Variants in ACOXL observed in about 807,000 individuals in gnomAD.
The protein encoded by ACOXL is acyl-coenzyme A oxidase-like protein.
ACOXL carries 70 observed loss-of-function variants against 71.9 expected under a neutral mutation model. That is an observed-to-expected ratio of 0.97 (90% confidence interval 0.80 to 1.19). The LOEUF (loss-of-function observed/expected upper bound fraction) is 1.19. Ranked by LOEUF, ACOXL falls within the 50% of genes most tolerant of loss-of-function variation. ACOXL has a pLI of 0.00. For synonymous variants in ACOXL, 253 were observed against 281.6 expected, an observed-to-expected ratio of 0.90 and a Z score of 1.02; for missense variants, 703 against 736.3, an observed-to-expected ratio of 0.95 and a Z score of 0.52.
At chr2:110,869,981 G>A (rs1161726769) in intron 10 of ACOXL, among the ~76,000 whole-genome samples, 4 of 152,252 alleles carry the variant, frequency 2.6e-5, no homozygotes, top group Non-Finnish European at 5.9e-5. Flanking sequence ...TGGATTCACC[G>A]AGCATGTGGG....
At chr2:110,896,008 T>C (rs62159500) in intron 10 of ACOXL, among the ~76,000 whole-genome samples, 47,696 of 152,064 alleles carry the variant, frequency 0.31, 7,807 homozygotes, top group Middle Eastern at 0.38. Flanking sequence ...TTGAGTTCTC[T>C]AAATTATGTT....
At chr2:110,824,427 A>T (rs574413573) in intron 9 of ACOXL, among the ~76,000 whole-genome samples, 1 of 152,370 alleles carries the variant, frequency 6.6e-6, no homozygotes, top group Admixed American at 6.5e-5. Flanking sequence ...TTAGGGTCCC[A>T]TAAAGTGACA....
chr2:110,903,509 C>A (rs747953487), intron 10 of ACOXL, among the ~76,000 whole-genome samples: 5 of 152,160 alleles, frequency 3.3e-5, no homozygotes, highest in Non-Finnish European at 1.5e-5. Flanking sequence ...ACAAGCACCA[C>A]TTTTTGATTT....
chr2:110,832,453 G>T (rs1259314855), intron 9 of ACOXL, among the ~76,000 whole-genome samples: 1 of 151,326 alleles, frequency 6.6e-6, no homozygotes, highest in Non-Finnish European at 1.5e-5. Flanking sequence ...CAGGAGAATG[G>T]CATGAACCCG....
chr2:110,925,284 C>G (rs2060228757), intron 11 of ACOXL, among the ~76,000 whole-genome samples: 1 of 152,212 alleles, frequency 6.6e-6, no homozygotes, highest in Non-Finnish European at 1.5e-5. Context: ...ACAAGAGATT[C>G]TCTCTGTTCT....
intron 11 of ACOXL, among the ~76,000 whole-genome samples, chr2:110,928,340 A>C (rs948663043): frequency 1.3e-5 from 2 of 152,242 alleles, no homozygotes; most frequent in African/African-American, 4.8e-5. Flanking sequence ...TTACAACAGC[A>C]CCTGAAATGA....
At chr2:111,049,116 C>A in intron 15 of ACOXL, 102 bp from the exon 16 acceptor site, 1 of 920,082 alleles carries the variant, frequency 1.1e-6, no homozygotes, top group Non-Finnish European at 1.7e-6. Context: ...GGACGGACAG[C>A]ATGCTGTTTA....
chr2:110,841,578 G>C (rs1265543486), intron 10 of ACOXL, among the ~76,000 whole-genome samples, 173 bp downstream of exon 10: 1 of 152,148 alleles, frequency 6.6e-6, no homozygotes, highest in Non-Finnish European at 1.5e-5. Flanking sequence ...TTGCTATTTA[G>C]AGGAACGAGG....
chr2:111,046,660 C>T (rs141889099), intron 15 of ACOXL, among the ~76,000 whole-genome samples: 86 of 152,292 alleles, frequency 5.6e-4, no homozygotes, highest in African/African-American at 1.8e-3. Flanking sequence ...TAACCACCCC[C>T]ATGATTCATT....
At chr2:111,057,612 G>C (rs1257770857) in intron 16 of ACOXL, among the ~76,000 whole-genome samples, 4 of 152,140 alleles carry the variant, frequency 2.6e-5, no homozygotes, top group Admixed American at 2.6e-4. Flanking sequence ...GAAGGCAGAG[G>C]GGTTCCCTCT....
rs2070456769 is a variant in ACOXL, at chr2:111,117,698, C to T, written c.1625C>T (p.Ala542Val). The stretch of plus-strand genomic sequence containing the variant: ...AACATTCCACACACCTACCTCCACG[C>T]ACCAATCGCCGGAATCTCCAACCCG... The part of the protein sequence containing the change: ...TFNIPHTYLH[A>V]PIAGISNPRA... The change falls in exon 18 of 18, where the codon GCA (alanine) becomes GTA (valine). Residue 542 changes from alanine (A) to valine (V), a missense_variant. Transcript: ENST00000439055. 6.4e-7 allele frequency: 1 copy of T among 1,551,642 alleles called. No homozygotes were observed. Among genetic ancestry groups the T allele is most frequent in the Admixed American group, 2.0e-5 (1 of 50,996 alleles).
At chr2:110,741,792 T>C (rs773846151) in intron 1 of ACOXL, among the ~76,000 whole-genome samples, 51 of 152,164 alleles carry the variant, frequency 3.4e-4, no homozygotes, top group Admixed American at 2.2e-3. Flanking sequence ...CAATCTCTTA[T>C]CTGTGGTTTC....
intron 11 of ACOXL, among the ~76,000 whole-genome samples, chr2:110,924,261 G>T (rs2128814): frequency 0.5 from 76,632 of 152,038 alleles, 19,663 homozygotes; most frequent in East Asian, 0.58. Flanking sequence ...TGCTGACTGA[G>T]CAGGTTGGTA....
chr2:110,768,513 TGAGAGAGA>T (rs1170772823), intron 2 of ACOXL, 49 bp downstream of exon 2: 63 of 929,550 alleles, frequency 6.8e-5, no homozygotes, highest in Middle Eastern at 2.6e-4. Flanking sequence ...TGTGTGTGTG[TGAGAGAGA>T]GAGAGAGAGA....
intron 10 of ACOXL, among the ~76,000 whole-genome samples, chr2:110,892,779 G>A (rs1224184838): frequency 6.6e-6 from 1 of 152,150 alleles, no homozygotes; most frequent in Non-Finnish European, 1.5e-5. Context: ...AAATAAAGTG[G>A]GAGAGAGGTT....
chr2:110,914,239 C>T (rs2059756002), intron 11 of ACOXL, among the ~76,000 whole-genome samples: 1 of 151,662 alleles, frequency 6.6e-6, no homozygotes, highest in Non-Finnish European at 1.5e-5. Context: ...ATTTTTTTTC[C>T]CCTCGAAATT....
intron 10 of ACOXL, among the ~76,000 whole-genome samples, chr2:110,877,559 G>A (rs763998539): frequency 1.3e-5 from 2 of 152,112 alleles, no homozygotes; most frequent in Admixed American, 6.5e-5. Flanking sequence ...CCCTTTGAAC[G>A]TAGCCACTGG....
chr2:110,742,264 A>C (rs953026398), intron 1 of ACOXL, among the ~76,000 whole-genome samples: 2 of 152,234 alleles, frequency 1.3e-5, no homozygotes, highest in African/African-American at 4.8e-5. Flanking sequence ...GTCCAGCATC[A>C]AGACAATTAT....
chr2:110,766,637 C>G (rs1028142830), intron 1 of ACOXL, among the ~76,000 whole-genome samples: 2 of 152,210 alleles, frequency 1.3e-5, no homozygotes, highest in African/African-American at 4.8e-5. Flanking sequence ...AACTGACCCT[C>G]TCTCCTACCA....
Sources: gnomAD v4.1 joint callset for allele counts (sites outside exome capture counted in the v4.1 genomes callset) on GRCh38, gnomAD v4.1.1 for gene constraint, MANE v1.5 for transcripts, NCBI Gene and HGNC (gene_info 2026-07-23, HGNC 2026-07-21) for gene names.